The following RTCA variants were observed in gnomAD, a reference collection of about 807,000 sequenced individuals.
RTCA encodes the protein RNA terminal phosphate cyclase domain 1.
In RTCA, 37 loss-of-function variants were observed where a neutral mutation model predicts 46.1. The observed-to-expected ratio is 0.80, with a 90% confidence interval of 0.62 to 1.06. The LOEUF is 1.06. Among genes scored for constraint, RTCA ranks in the 50% least tolerant of loss-of-function variants. The pLI is 0.00. For synonymous variants in RTCA, 164 were observed against 158.3 expected, an observed-to-expected ratio of 1.04 and a Z score of -0.27; for missense variants, 435 against 455.5, an observed-to-expected ratio of 0.95 and a Z score of 0.41.
chr1:100,268,330 G>A, intron 3 of RTCA, 35 bp downstream of exon 3: 1 of 1,536,172 alleles, frequency 6.5e-7, no homozygotes, highest in Non-Finnish European at 8.9e-7. Flanking sequence ...TAAGTAACCT[G>A]GGTTTAAGTC....
At chr1:100,287,436 T>G (rs6577165) in intron 10 of RTCA, among the ~76,000 whole-genome samples, 115,939 of 152,022 alleles carry the variant, frequency 0.76, 46,359 homozygotes, top group East Asian at 0.94. Flanking sequence ...GGCAGAGAGA[T>G]TCATTAAATT....
intron 2 of RTCA, chr1:100,266,977 G>T: frequency 3.3e-6 from 1 of 306,046 alleles, no homozygotes; most frequent in Non-Finnish European, 6.2e-6. Flanking sequence ...TGACGCCAGA[G>T]GAAACCCTGT....
In RTCA at chr1:100,285,107, G is replaced by GAAA. The variant is rs1385537552; in HGVS notation, c.800-121_800-120insAAA. 6 of 693,296 alleles carry GAAA rather than the reference G, an allele frequency of 8.7e-6. No individual in the cohort carries two copies. The Admixed American group carries it at 1.3e-4, about 15-fold the overall frequency. The allele number at this position is 693,296 out of a possible 1,614,324, so 42.9% of individuals were successfully genotyped here. A position where few individuals can be genotyped will look rare whatever the true frequency, so the allele number is the denominator to read the frequency against. On this transcript the variant is annotated intron_variant, in intron 8 of 10. Transcript: ENST00000370128. Reference sequence around the variant, plus strand: ...TTATTCTAAAAGGTGCATTGAGTGGGTTTTTGAGGCCTAAAAATTGTATAC... The same window carrying GAAA: ...TTATTCTAAAAGGTGCATTGAGTGGGAAATTTTTGAGGCCTAAAAATTGTATAC...
chr1:100,278,068 T>G (rs1327161635), intron 8 of RTCA, among the ~76,000 whole-genome samples: 1 of 152,204 alleles, frequency 6.6e-6, no homozygotes, highest in Non-Finnish European at 1.5e-5. Flanking sequence ...TGATGTTAGT[T>G]TCTCCTTTAT....
In RTCA at chr1:100,266,583, G is replaced by C. The variant is rs748000918; in HGVS notation, c.105G>C (p.Arg35=). 1.2e-6 allele frequency: 2 copies of C among 1,613,912 alleles called. No individual in the cohort carries two copies. The highest frequency in any genetic ancestry group is 1.7e-6 in the Non-Finnish European group (2 of 1,179,850). ...GCTGTCTCCTAGGCCTCCCCTTGCG[G>C]GTGCAGAAGATCCGAGCCGGCCGGA... ...ALSCLLGLPL[R]VQKIRAGRST... Residue 35 remains arginine (R), a synonymous_variant, in exon 2 of 11, where the codon CGG becomes CGC. Coordinates refer to ENST00000370128, the MANE Select transcript of RTCA (RefSeq NM_003729.4).
chr1:100,287,180 C>T lies in RTCA; in HGVS notation c.976C>T (p.His326Tyr), dbSNP rs966089261. The change falls in exon 10 of 11, where the codon CAT becomes TAT. Residue 326 changes from histidine to tyrosine, a missense_variant. By Grantham distance (83) the His-to-Tyr change is moderately conservative. Coordinates refer to ENST00000370128, the MANE Select transcript of RTCA (RefSeq NM_003729.4). ...TACACTCCATACGCAAACCGCGATACATTTTGCTGAACAAATAGCAAAGGT... is the reference window on the plus strand; with the variant it reads ...TACACTCCATACGCAAACCGCGATATATTTTGCTGAACAAATAGCAAAGGT... ...PVTLHTQTAI[H>Y]FAEQIAKAKF... The T allele has an allele frequency of 6.3e-7, 1 of 1,579,298 alleles. No homozygotes were observed. The highest frequency in any genetic ancestry group is 1.4e-5 in the African/African-American group (1 of 72,680).
chr1:100,281,120 G>T, intron 8 of RTCA: 2 of 494,496 alleles, frequency 4.0e-6, no homozygotes, highest in Non-Finnish European at 8.1e-6. Flanking sequence ...GCAGGAAGTT[G>T]TAACTAGAGA....
rs769539238 is a variant in RTCA, at chr1:100,274,900, A to T, written c.550A>T (p.Thr184Ser). Residue 184 changes from threonine to serine, a missense_variant, in exon 6 of 11, where the codon ACT becomes TCT. Physicochemically the swap from Thr to Ser is moderately conservative, Grantham distance 58. Coordinates refer to ENST00000370128, the MANE Select transcript of RTCA (RefSeq NM_003729.4). The stretch of plus-strand genomic sequence containing the variant: ...TAAACAATTGAACCCTATAAATTTA[A>T]CTGAGCGTGGCTGTGTGACTAAGAT... ...PVKQLNPINLTERGCVTKIYG... is the reference protein window; with the variant it reads ...PVKQLNPINLSERGCVTKIYG... 5 of 1,613,714 alleles carry T rather than the reference A, an allele frequency of 3.1e-6. No homozygotes were observed. In the South Asian group the frequency reaches 5.5e-5, roughly 18 times the overall value.
rs1570871122 is a variant in RTCA, at chr1:100,268,006, A to G, written c.147-146A>G. On this transcript the variant is annotated intron_variant, in intron 2 of 10. Coordinates refer to ENST00000370128, the MANE Select transcript of RTCA (RefSeq NM_003729.4). The stretch of plus-strand genomic sequence containing the variant: ...GGTAGTCTAGGTGCATAAAAACCCA[A>G]AAGGAAGCTGACACTGAAGATGTGG... 2.8e-5 allele frequency: 34 copies of G among 1,204,298 alleles called. No individual in the cohort carries two copies. In the South Asian group the frequency reaches 4.4e-4, roughly 16 times the overall value. The allele number at this position is 1,204,298 out of a possible 1,614,324, so 74.6% of individuals were successfully genotyped here.
intron 9 of RTCA, among the ~76,000 whole-genome samples, chr1:100,286,023 C>T (rs1283040367): frequency 6.6e-6 from 1 of 152,196 alleles, no homozygotes; most frequent in Non-Finnish European, 1.5e-5. Context: ...TGTCCAGTCT[C>T]ATGGCTTAAG....
chr1:100,273,296 C>T, intron 4 of RTCA, 98 bp from the exon 5 acceptor site: 1 of 694,234 alleles, frequency 1.4e-6, no homozygotes, highest in South Asian at 1.9e-5. Context: ...CCTATAGCAC[C>T]CAGTTACTAG....
rs1277930916 is a variant in RTCA, at chr1:100,291,532, T to C, written c.*28T>C. 6.4e-6 allele frequency: 8 copies of C among 1,251,182 alleles called. No homozygotes were observed. The highest frequency in any genetic ancestry group is 1.5e-5 in the African/African-American group (1 of 66,734). 77.5% of individuals were successfully genotyped at this position (1,251,182 alleles called of 1,614,324 possible). ...TATTTGCCTCTTAAATGATACCTCATTGATATATTGCACTATTTCATAAAT... is the reference window on the plus strand; with the variant it reads ...TATTTGCCTCTTAAATGATACCTCACTGATATATTGCACTATTTCATAAAT... On this transcript the variant is annotated 3_prime_UTR_variant, in exon 11 of 11. Coordinates refer to ENST00000370128, the MANE Select transcript of RTCA (RefSeq NM_003729.4).
At chr1:100,267,987 C>T in intron 2 of RTCA, 165 bp from the exon 3 acceptor site, 2 of 820,836 alleles carry the variant, frequency 2.4e-6, no homozygotes, top group Non-Finnish European at 1.9e-6. Context: ...AGCAGGTAGT[C>T]TAGGTGCATA....
chr1:100,291,025 A>G (rs911925301), intron 10 of RTCA, among the ~76,000 whole-genome samples: 15 of 152,208 alleles, frequency 9.9e-5, no homozygotes, highest in African/African-American at 2.9e-4. Context: ...AGATAAAAGT[A>G]GAAATGTTTC....
chr1:100,285,372 T>C (rs1261549525), intron 9 of RTCA, 50 bp downstream of exon 9: 1 of 1,197,086 alleles, frequency 8.4e-7, no homozygotes, highest in Non-Finnish European at 1.2e-6. Context: ...GATTTGAATA[T>C]GTGGTAGATT....
chr1:100,285,176 T>G, intron 8 of RTCA, 52 bp from the exon 9 acceptor site: 1 of 1,357,494 alleles, frequency 7.4e-7, no homozygotes, highest in South Asian at 1.2e-5. Context: ...TCTTAGTAAT[T>G]AGTTTTGTTT....
intron 8 of RTCA, among the ~76,000 whole-genome samples, chr1:100,277,627 G>A (rs1300894209): frequency 6.6e-6 from 1 of 152,104 alleles, no homozygotes; most frequent in Non-Finnish European, 1.5e-5. Flanking sequence ...TAAGTTGCAG[G>A]TGCCATGTCT....
In RTCA at chr1:100,266,607, G is replaced by A; in HGVS notation, c.129G>A (p.Arg43=). Residue 43 remains arginine, a synonymous_variant, in exon 2 of 11, where the codon CGG becomes CGA. Coordinates refer to ENST00000370128, the MANE Select transcript of RTCA (RefSeq NM_003729.4). ...GGGTGCAGAAGATCCGAGCCGGCCGGAGCACGCCAGGCCTGAGGTAAATCT... is the reference window on the plus strand; with the variant it reads ...GGGTGCAGAAGATCCGAGCCGGCCGAAGCACGCCAGGCCTGAGGTAAATCT... ...PLRVQKIRAG[R]STPGLRPQHL... 1 of 1,613,018 alleles carries A rather than the reference G, an allele frequency of 6.2e-7. No homozygotes were observed. Among genetic ancestry groups the A allele is most frequent in the South Asian group, 1.1e-5 (1 of 90,930 alleles).
chr1:100,272,045 T>C (rs766191063), intron 4 of RTCA, among the ~76,000 whole-genome samples: 1 of 152,262 alleles, frequency 6.6e-6, no homozygotes, highest in Non-Finnish European at 1.5e-5. Context: ...TATATGGATG[T>C]ACCAGTTTGC....
Sources: allele counts gnomAD v4.1 joint callset (sites outside exome capture counted in the v4.1 genomes callset), GRCh38; gene constraint gnomAD v4.1.1; transcripts MANE v1.5; gene names NCBI Gene and HGNC (gene_info 2026-07-23, HGNC 2026-07-21).